The following HECW2 variants were observed in gnomAD, a reference collection of about 807,000 sequenced individuals.
HECW2 encodes the protein E3 ubiquitin-protein ligase HECW2.
In HECW2, 61 loss-of-function variants were observed where a neutral mutation model predicts 175.2. The ratio of observed to expected loss-of-function variants is 0.35; its 90% CI spans 0.28 to 0.43. HECW2 has a LOEUF of 0.43. Among genes scored for constraint, HECW2 ranks in the 20% least tolerant of loss-of-function variants. The pLI, the probability that HECW2 is intolerant of heterozygous loss-of-function variation, is 1.00. For missense variants in HECW2, 1,524 were observed against 2,000.5 expected, an observed-to-expected ratio of 0.76 and a Z score of 4.54; for synonymous variants, 671 against 731.0, an observed-to-expected ratio of 0.92 and a Z score of 1.32.
intron 1 of HECW2, among the ~76,000 whole-genome samples, chr2:196,554,904 A>G (rs776228269): frequency 2.6e-5 from 4 of 152,202 alleles, no homozygotes; most frequent in African/African-American, 2.4e-5. Flanking sequence ...CCTGAACAAG[A>G]GACCAAAAAA....
At chr2:196,274,222 G>T in intron 15 of HECW2, 99 bp from the exon 16 acceptor site, 1 of 788,300 alleles carries the variant, frequency 1.3e-6, no homozygotes, top group Non-Finnish European at 2.2e-6. Context: ...AATGAGCATA[G>T]TGAAGTACCA....
chr2:196,415,646 A>T (rs972455191), intron 2 of HECW2, among the ~76,000 whole-genome samples: 2 of 152,212 alleles, frequency 1.3e-5, no homozygotes, highest in African/African-American at 4.8e-5. Flanking sequence ...CCCAGGAGCC[A>T]GTAAGAGATG....
At chr2:196,404,734 A>T (rs556227094) in intron 2 of HECW2, among the ~76,000 whole-genome samples, 2 of 150,108 alleles carry the variant, frequency 1.3e-5, no homozygotes, top group South Asian at 4.3e-4. Context: ...CCAGTTATCA[A>T]TTTCCTCCTT....
chr2:196,248,759 G>A (rs1457009041), intron 19 of HECW2, among the ~76,000 whole-genome samples: 4 of 152,140 alleles, frequency 2.6e-5, no homozygotes, highest in Non-Finnish European at 5.9e-5. Flanking sequence ...AGACTTTGTG[G>A]TGGGAGAAAG....
chr2:196,298,174 T>C (rs943575997), intron 13 of HECW2, among the ~76,000 whole-genome samples: 1 of 152,202 alleles, frequency 6.6e-6, no homozygotes, highest in Non-Finnish European at 1.5e-5. Flanking sequence ...TATAATGAAA[T>C]ATATTTATGT....
At chr2:196,493,650 G>A (rs1687278802) in intron 1 of HECW2, among the ~76,000 whole-genome samples, 1 of 152,120 alleles carries the variant, frequency 6.6e-6, no homozygotes, top group African/African-American at 2.4e-5. Context: ...TCTCTTCTTT[G>A]TCAAGGGCTT....
chr2:196,305,442 G>A (rs10931738), intron 13 of HECW2, among the ~76,000 whole-genome samples: 107,534 of 152,018 alleles, frequency 0.71, 38,988 homozygotes, highest in East Asian at 0.97. Context: ...ATTAACATAA[G>A]TAAATATGTA....
intron 2 of HECW2, among the ~76,000 whole-genome samples, chr2:196,398,682 C>T (rs1453530200): frequency 2.0e-5 from 3 of 152,210 alleles, no homozygotes; most frequent in East Asian, 3.8e-4. Context: ...CTCACCTAAT[C>T]ATATGCCACT....
intron 1 of HECW2, among the ~76,000 whole-genome samples, chr2:196,520,826 A>G (rs1372710129): frequency 1.3e-5 from 2 of 152,252 alleles, no homozygotes; most frequent in Non-Finnish European, 2.9e-5. Context: ...TTTAGTTAAC[A>G]GTAATGCTCA....
intron 2 of HECW2, among the ~76,000 whole-genome samples, chr2:196,421,971 C>T (rs138854658): frequency 1.1e-4 from 16 of 152,230 alleles, no homozygotes; most frequent in African/African-American, 2.9e-4. Context: ...ATCTTCCACA[C>T]GCATATTAAA....
rs1173134950 is a variant in HECW2, at chr2:196,453,036, T to G, written c.-35-19578A>C. ...TATTTTCTGTAAAATTTGCTTTTTA[T>G]AGCAGTTCTGTTCTAAGGAATATGT... On this transcript the variant is annotated intron_variant, in intron 1 of 28. Transcript: ENST00000644978. 2.6e-5 allele frequency among the ~76,000 whole-genome samples: 4 copies of G among 152,212 alleles called. No homozygotes were observed. The East Asian group carries it at 7.7e-4, about 29-fold the overall frequency.
intron 14 of HECW2, among the ~76,000 whole-genome samples, chr2:196,287,094 T>C (rs1351147194): frequency 6.6e-6 from 1 of 152,208 alleles, no homozygotes; most frequent in Admixed American, 6.5e-5. Flanking sequence ...CCTACAAATA[T>C]TTGTTCTGTT....
chr2:196,273,903 A>G, intron 16 of HECW2, 118 bp downstream of exon 16: 1 of 665,232 alleles, frequency 1.5e-6, no homozygotes, highest in Non-Finnish European at 2.6e-6. Context: ...ATAATGCAGC[A>G]ATTTCTCAAT....
chr2:196,317,202 C>A (rs956583698), intron 10 of HECW2, 72 bp downstream of exon 10: 1 of 1,158,086 alleles, frequency 8.6e-7, no homozygotes, highest in African/African-American at 1.5e-5. Flanking sequence ...TTTTGAGACT[C>A]ATGGGAATGG....
intron 17 of HECW2, among the ~76,000 whole-genome samples, chr2:196,268,834 G>T (rs1021042550): frequency 2.6e-5 from 4 of 152,124 alleles, no homozygotes; most frequent in African/African-American, 9.7e-5. Flanking sequence ...TGTTTGTTTT[G>T]CTTTGAGGTC....
intron 1 of HECW2, among the ~76,000 whole-genome samples, chr2:196,433,947 T>G (rs1432731596): frequency 6.6e-6 from 1 of 152,232 alleles, no homozygotes; most frequent in African/African-American, 2.4e-5. Context: ...CACTGAAATC[T>G]TTTCAGGAGC....
intron 2 of HECW2, among the ~76,000 whole-genome samples, chr2:196,403,990 C>T (rs1694889997): frequency 6.6e-6 from 1 of 152,186 alleles, no homozygotes; most frequent in African/African-American, 2.4e-5. Context: ...TTAGGCCTCA[C>T]ATTCATCTGA....
At chr2:196,322,739 A>T (rs1302927966) in intron 6 of HECW2, 119 bp from the exon 7 acceptor site, 3 of 775,282 alleles carry the variant, frequency 3.9e-6, no homozygotes, top group Non-Finnish European at 6.1e-6. Context: ...AGTTCCACAT[A>T]GCTAGAAATA....
chr2:196,367,190 G>A (rs370062494), intron 2 of HECW2, among the ~76,000 whole-genome samples: 1 of 152,018 alleles, frequency 6.6e-6, no homozygotes, highest in Non-Finnish European at 1.5e-5. Flanking sequence ...TAAACATATC[G>A]CACAGATTCC....
Sources: gnomAD v4.1 joint callset for allele counts (sites outside exome capture counted in the v4.1 genomes callset) on GRCh38, gnomAD v4.1.1 for gene constraint, MANE v1.5 for transcripts, NCBI Gene and HGNC (gene_info 2026-07-23, HGNC 2026-07-21) for gene names.